The following SLC24A4 variants were observed in gnomAD, a reference collection of about 807,000 sequenced individuals.
SLC24A4 encodes the protein sodium/potassium/calcium exchanger 4.
Under a neutral mutation model 79.0 loss-of-function variants are expected in SLC24A4, and 53 were observed. The ratio of observed to expected loss-of-function variants is 0.67; its 90% CI spans 0.54 to 0.84. The LOEUF (loss-of-function observed/expected upper bound fraction) is 0.84, where lower values mean the gene tolerates loss of function less well. Ranked by LOEUF, SLC24A4 falls within the 40% of genes least tolerant of loss-of-function variation. SLC24A4 has a pLI of 0.00. For synonymous variants in SLC24A4, 323 were observed against 323.8 expected, an observed-to-expected ratio of 1.00 and a Z score of 0.03; for missense variants, 731 against 822.0, an observed-to-expected ratio of 0.89 and a Z score of 1.35.
At chr14:92,484,760 C>A (rs1895263219) in intron 13 of SLC24A4, 3 of 985,310 alleles carry the variant, frequency 3.0e-6, no homozygotes, top group Admixed American at 1.2e-4. Flanking sequence ...CACCCTACTC[C>A]CAGCCCAAAA....
intron 2 of SLC24A4, among the ~76,000 whole-genome samples, chr14:92,338,355 C>T (rs1885936335): frequency 6.6e-6 from 1 of 152,166 alleles, no homozygotes; most frequent in Non-Finnish European, 1.5e-5. Flanking sequence ...CTACTGTTTG[C>T]CTGACTGTAA....
In SLC24A4 at chr14:92,363,404, T is replaced by C. The variant is rs60033782; in HGVS notation, c.241+37426T>C. ...TGGCTACCAGCAGATGGCCAATGGCTGCTCCTTGCCTGGCAAGCCTCAGAC... is the reference window on the plus strand; with the variant it reads ...TGGCTACCAGCAGATGGCCAATGGCCGCTCCTTGCCTGGCAAGCCTCAGAC... On this transcript the variant is annotated intron_variant, in intron 2 of 16. Transcript: ENST00000532405. Among the ~76,000 whole-genome samples, 1,148 of 152,368 alleles carry C rather than the reference T, an allele frequency of 7.5e-3. 18 individuals carry two copies. The highest frequency in any genetic ancestry group is 0.026 in the African/African-American group (1,076 of 41,586).
Position 92,410,913 on chromosome 14 carries a change from CAT to C in SLC24A4, c.242-22997_242-22996del, listed in dbSNP as rs529724427. Among the ~76,000 whole-genome samples, 3 of 152,292 alleles carry C rather than the reference CAT, an allele frequency of 2.0e-5. No homozygotes were observed. The South Asian group carries it at 6.2e-4, about 32-fold the overall frequency. ...TGCAAGTTTGGTATTGGATTGATAA[CAT>C]AGAAATTCATCCAAAGACAAGTTTC... is the stretch of plus-strand genomic sequence containing the variant. On this transcript the variant is annotated intron_variant, in intron 2 of 16. Transcript: ENST00000532405.
At chr14:92,449,282 A>T in intron 10 of SLC24A4, 66 bp downstream of exon 10, 13 of 16,506 alleles carry the variant, frequency 7.9e-4, no homozygotes, top group Non-Finnish European at 1.1e-3. Context: ...TCTTTTGTGT[A>T]CACACACACA....
chr14:92,360,294 T>C (rs769063878), intron 2 of SLC24A4, among the ~76,000 whole-genome samples: 1 of 152,160 alleles, frequency 6.6e-6, no homozygotes, highest in African/African-American at 2.4e-5. Flanking sequence ...TGAAGTACAG[T>C]GCACCATCGT....
chr14:92,421,962 A>G (rs1422355436), intron 2 of SLC24A4, among the ~76,000 whole-genome samples: 2 of 152,274 alleles, frequency 1.3e-5, no homozygotes, highest in South Asian at 2.1e-4. Flanking sequence ...TGGTTTTGGC[A>G]TACTTCCATC....
chr14:92,453,626 A>G, intron 10 of SLC24A4: 1 of 375,174 alleles, frequency 2.7e-6, no homozygotes, highest in Non-Finnish European at 4.7e-6. Flanking sequence ...TGGGCCCCAG[A>G]AGAGAGGCGA....
At chr14:92,409,375 CG>C (rs1267796632) in intron 2 of SLC24A4, among the ~76,000 whole-genome samples, 1 of 152,138 alleles carries the variant, frequency 6.6e-6, no homozygotes, top group Non-Finnish European at 1.5e-5. Flanking sequence ...AGCGTAGTGA[CG>C]GTGGAGCTGC....
intron 12 of SLC24A4, among the ~76,000 whole-genome samples, chr14:92,458,671 G>A (rs970536525): frequency 2.0e-5 from 3 of 152,174 alleles, no homozygotes; most frequent in African/African-American, 7.2e-5. Flanking sequence ...GAACCAGGAC[G>A]GGCCCTGTAT....
chr14:92,489,242 A>G (rs1314417361), intron 14 of SLC24A4, among the ~76,000 whole-genome samples: 1 of 152,056 alleles, frequency 6.6e-6, no homozygotes, highest in Admixed American at 6.6e-5. Context: ...GTTTGAGACC[A>G]GCCTGGCCAA....
intron 2 of SLC24A4, among the ~76,000 whole-genome samples, chr14:92,374,247 ATGG>A (rs1888372433): frequency 6.6e-6 from 1 of 152,164 alleles, no homozygotes; most frequent in African/African-American, 2.4e-5. Flanking sequence ...GTAGGCCCCC[ATGG>A]TGGCTTTCTC....
At chr14:92,454,159 T>A in intron 11 of SLC24A4, 90 bp downstream of exon 11, 5 of 1,375,266 alleles carry the variant, frequency 3.6e-6, no homozygotes, top group Non-Finnish European at 5.0e-6. Flanking sequence ...CATTGATCAC[T>A]GCACCTGTTT....
Position 92,490,537 on chromosome 14 carries a change from G to A in SLC24A4, c.1538-1128G>A, listed in dbSNP as rs1014554872. Among the ~76,000 whole-genome samples, 2 of 152,170 alleles carry A rather than the reference G, an allele frequency of 1.3e-5. No homozygotes were observed. Among genetic ancestry groups the A allele is most frequent in the African/African-American group, 4.8e-5 (2 of 41,454 alleles). On this transcript the variant is annotated intron_variant, in intron 14 of 16. Transcript: ENST00000532405. This position sits in a 1 kb window ranked among gnomAD's most constrained non-coding sequence, Gnocchi z 4.3. ...CGATATCCTGTGATTCCCAGGCAGG[G>A]TCGTGGGTGCTGTTGCCTGGGTCCC...
chr14:92,403,231 T>C (rs994407518), intron 2 of SLC24A4, among the ~76,000 whole-genome samples: 6 of 151,974 alleles, frequency 3.9e-5, no homozygotes, highest in African/African-American at 1.4e-4. Flanking sequence ...GCGTGAATCT[T>C]TGGGGAACAG....
At position 92,456,408 on chromosome 14, in the gene SLC24A4, A is replaced by AGAGACT; in HGVS notation, c.1058_1063dup (p.Arg353_Leu354dup). The AGAGACT allele has an allele frequency of 6.2e-7, 1 of 1,614,202 alleles. No individual in the cohort carries two copies. The highest frequency in any genetic ancestry group is 8.5e-7 in the Non-Finnish European group (1 of 1,180,024). ...TGTTGCCTCCTGTCCACACAGCGGC[A>AGAGACT]GAGACTGATCAACTCGGCCAATGGT... On this transcript the variant is annotated inframe_insertion, in exon 12 of 17. Transcript: ENST00000532405.
chr14:92,324,030 G>T (rs1270220819), intron 1 of SLC24A4, 70 bp downstream of exon 1: 10 of 1,548,374 alleles, frequency 6.5e-6, no homozygotes, highest in Non-Finnish European at 8.7e-6. Context: ...CGGGGCGGCT[G>T]CGAGATGTTT....
chr14:92,362,414 C>T (rs886146096), intron 2 of SLC24A4, among the ~76,000 whole-genome samples: 2 of 152,172 alleles, frequency 1.3e-5, no homozygotes, highest in African/African-American at 4.8e-5. Flanking sequence ...CTGTCAGTCC[C>T]CCCAATGTTC....
chr14:92,485,837 A>G (rs997073498), intron 13 of SLC24A4, among the ~76,000 whole-genome samples: 6 of 152,110 alleles, frequency 3.9e-5, no homozygotes, highest in Non-Finnish European at 5.9e-5. Flanking sequence ...TGAGGTATAA[A>G]CCCCACCCTT....
chr14:92,357,453 A>G (rs995853450), intron 2 of SLC24A4, among the ~76,000 whole-genome samples: 7 of 152,242 alleles, frequency 4.6e-5, no homozygotes, highest in Non-Finnish European at 2.9e-5. Flanking sequence ...TGTGTCTGTC[A>G]GTGGATGAAT....
Sources: gnomAD v4.1 joint callset for allele counts (sites outside exome capture counted in the v4.1 genomes callset) on GRCh38, gnomAD v4.1.1 for gene constraint, Gnocchi (gnomAD v3.1) non-coding constraint, MANE v1.5 for transcripts, NCBI Gene and HGNC (gene_info 2026-07-23, HGNC 2026-07-21) for gene names.